The following ABCC1 variants were observed in gnomAD, a reference collection of about 807,000 sequenced individuals.
ABCC1 encodes the protein ATP binding cassette subfamily C member 1 (ABCC1 blood group).
A neutral mutation model predicts 172.9 loss-of-function variants in ABCC1; 83 were observed. The ratio of observed to expected loss-of-function variants is 0.48; its 90% CI spans 0.40 to 0.58. The LOEUF is 0.58. ABCC1 is among the 20% of genes least tolerant of loss of function. ABCC1 has a pLI of 0.00. For missense variants in ABCC1, 1,817 were observed against 2,002.7 expected (o/e 0.91, Z 1.77); for synonymous variants, 937 against 825.2 (o/e 1.14, Z -2.32).
chr16:16,135,689 C>G (rs758540140), intron 28 of ABCC1, among the ~76,000 whole-genome samples: 2 of 151,976 alleles, frequency 1.3e-5, no homozygotes, highest in Non-Finnish European at 2.9e-5. Context: ...CTCCTGACCT[C>G]GAGTGATCTG....
rs79826916 is a variant in ABCC1 at position 16,108,273 on chromosome 16, C to CTTTTTTTTTTTTT, written c.2871+1412_2871+1424dup. 1.9e-5 allele frequency among the ~76,000 whole-genome samples: 2 copies of CTTTTTTTTTTTTT among 106,314 alleles called. 1 individual carries two copies. The highest frequency in any genetic ancestry group is 6.7e-5 in the African/African-American group (2 of 29,726). 69.7% of individuals were successfully genotyped at this position (106,314 alleles called of 152,430 possible). ...CAACACGCTTATCGTTTCTTTGTGT[C>CTTTTTTTTTTTTT]TTTTTTTTTTTTTTTTTTTTTTTTG... On this transcript the variant is annotated intron_variant, in intron 21 of 30. Transcript: ENST00000399410.
At chr16:16,043,243 T>TTTTCC (rs1021835519) in intron 7 of ABCC1, among the ~76,000 whole-genome samples, 29 of 140,830 alleles carry the variant, frequency 2.1e-4, no homozygotes, top group African/African-American at 4.1e-4. Flanking sequence ...TTTTTTTTTT[T>TTTTCC]CCACTGATGT....
At chr16:16,041,876 C>T (rs1461745022) in intron 7 of ABCC1, among the ~76,000 whole-genome samples, 2 of 152,076 alleles carry the variant, frequency 1.3e-5, no homozygotes, top group Non-Finnish European at 2.9e-5. Context: ...GCGGGAGGCT[C>T]ACCTGAGTTC....
intron 1 of ABCC1, among the ~76,000 whole-genome samples, chr16:15,999,758 G>T (rs1370565032): frequency 2.9e-5 from 2 of 68,808 alleles, no homozygotes; most frequent in Non-Finnish European, 6.0e-5. Context: ...GAGCCTCTGT[G>T]CCCGGCCTCT....
intron 1 of ABCC1, among the ~76,000 whole-genome samples, chr16:15,979,160 G>A (rs776154179): frequency 3.3e-5 from 5 of 151,958 alleles, no homozygotes; most frequent in Admixed American, 1.3e-4. Context: ...GTGTGGTGGT[G>A]TGTGCCTGTA....
chr16:16,104,720 C>T lies in ABCC1; in HGVS notation c.2735+2003C>T, dbSNP rs1049089501. Among the ~76,000 whole-genome samples, 10 of 152,244 alleles carry T rather than the reference C, an allele frequency of 6.6e-5. No homozygotes were observed. In the South Asian group the frequency reaches 8.3e-4, roughly 13 times the overall value. The stretch of plus-strand genomic sequence containing the variant: ...GGGACTGGGCGCCATGGAGCAGGGG[C>T]GGCACTCGTCCGGGAGGCTCGGGCC... On this transcript the variant is annotated intron_variant, in intron 20 of 30. Transcript: ENST00000399410.
At chr16:16,019,246 G>A (rs2048113148) in intron 5 of ABCC1, among the ~76,000 whole-genome samples, 1 of 152,026 alleles carries the variant, frequency 6.6e-6, no homozygotes, top group Non-Finnish European at 1.5e-5. Flanking sequence ...TGGGATTACA[G>A]GCGCCCATCA....
chr16:16,003,960 A>G (rs1209532691), intron 1 of ABCC1, among the ~76,000 whole-genome samples: 4 of 140,984 alleles, frequency 2.8e-5, no homozygotes, highest in African/African-American at 1.1e-4. Context: ...GGGTGGATGG[A>G]TGAATTGGTG....
At chr16:15,954,271 A>C (rs553077558) in intron 1 of ABCC1, among the ~76,000 whole-genome samples, 1 of 152,180 alleles carries the variant, frequency 6.6e-6, no homozygotes, top group African/African-American at 2.4e-5. Flanking sequence ...TCAAGTGGTC[A>C]ACCTGCCTCA....
Position 16,115,020 on chromosome 16 carries a change from A to G in ABCC1, c.3334A>G (p.Thr1112Ala), listed in dbSNP as rs1257267432. ...IGACIVILLA[T>A]PIAAIIIPPL... ...TGCCTGCATCGTTATCCTGCTGGCC[A>G]CGCCCATCGCCGCCATCATCATCCC... Residue 1112 changes from threonine to alanine, a missense_variant, in exon 23 of 31, where the codon ACG becomes GCG. By Grantham distance (58) the Thr-to-Ala change is moderately conservative (BLOSUM62 0). Around this residue, in one of 3 missense-constraint regions of ABCC1, gnomAD observed 1,412 missense variants for 1,600.3 expected, o/e 0.88. Transcript: ENST00000399410. The G allele has an allele frequency of 1.2e-6, 2 of 1,614,188 alleles. No individual in the cohort carries two copies. The highest frequency in any genetic ancestry group is 1.7e-6 in the Non-Finnish European group (2 of 1,180,022).
chr16:16,124,348 TG>T (rs1567432151), intron 24 of ABCC1, among the ~76,000 whole-genome samples: 27 of 129,474 alleles, frequency 2.1e-4, no homozygotes, highest in Admixed American at 3.3e-4. Context: ...TGTGTGTGTG[TG>T]ATTATAGGAG....
At chr16:16,090,698 G>C in intron 19 of ABCC1, 110 bp downstream of exon 19, 1 of 1,246,428 alleles carries the variant, frequency 8.0e-7, no homozygotes. Context: ...GCTCCTCAGG[G>C]CATGAGGGTG....
intron 1 of ABCC1, among the ~76,000 whole-genome samples, chr16:15,966,169 C>G (rs2046237619): frequency 6.6e-6 from 1 of 151,980 alleles, no homozygotes; most frequent in African/African-American, 2.4e-5. Flanking sequence ...AATCCTAGCA[C>G]TTTGGGAGGC....
Position 16,131,905 on chromosome 16 carries a change from C to T in ABCC1, c.3936C>T (p.His1312=), listed in dbSNP as rs369198761. The T allele has an allele frequency of 1.5e-5, 24 of 1,613,982 alleles. No homozygotes were observed. Among genetic ancestry groups the T allele is most frequent in the African/African-American group, 1.5e-4 (11 of 74,920 alleles). The part of the protein sequence containing the change: ...YREDLDFVLR[H]INVTINGGEK... ...AGGACCTGGACTTCGTTCTCAGGCACATCAATGTCACGATCAATGGGGGAG... is the reference window on the plus strand; with the variant it reads ...AGGACCTGGACTTCGTTCTCAGGCATATCAATGTCACGATCAATGGGGGAG... The change falls in exon 27 of 31, where the codon CAC becomes CAT. Residue 1312 remains histidine, a synonymous_variant. Transcript: ENST00000399410.
chr16:16,021,531 A>G (rs189516256), intron 5 of ABCC1, among the ~76,000 whole-genome samples: 23 of 152,210 alleles, frequency 1.5e-4, no homozygotes, highest in African/African-American at 2.4e-5. Context: ...AGCCTGACCA[A>G]CATGGTGAAA....
chr16:16,107,445 T>A (rs542763645), intron 21 of ABCC1, among the ~76,000 whole-genome samples: 2 of 152,166 alleles, frequency 1.3e-5, no homozygotes, highest in Admixed American at 6.5e-5. Context: ...ACTTGCTACC[T>A]TGCCCAGCTA....
At chr16:16,039,673 C>T (rs1398316563) in intron 7 of ABCC1, among the ~76,000 whole-genome samples, 2 of 152,076 alleles carry the variant, frequency 1.3e-5, no homozygotes, top group Non-Finnish European at 2.9e-5. Flanking sequence ...TGGCTGTTTT[C>T]GAGCCTCTGG....
chr16:16,104,817 C>T (rs562028321), intron 20 of ABCC1, among the ~76,000 whole-genome samples: 67 of 152,278 alleles, frequency 4.4e-4, no homozygotes, highest in South Asian at 1.7e-3. Flanking sequence ...CCCTGCCCCG[C>T]GGGGAGGCAG....
intron 1 of ABCC1, among the ~76,000 whole-genome samples, chr16:15,959,116 C>A (rs215101): frequency 6.6e-6 from 1 of 151,852 alleles, no homozygotes; most frequent in Non-Finnish European, 1.5e-5. Flanking sequence ...TGTGGGCTGT[C>A]GAAATTCTAG....
Sources: gnomAD v4.1 joint callset for allele counts (sites outside exome capture counted in the v4.1 genomes callset) on GRCh38, gnomAD v4.1.1 for gene constraint, gnomAD v4.1.1 regional missense constraint, MANE v1.5 for transcripts, NCBI Gene and HGNC (gene_info 2026-07-23, HGNC 2026-07-21) for gene names.